Variants in CIMAP1C observed in about 807,000 individuals in gnomAD.
CIMAP1C encodes the protein outer dense fiber of sperm tails 3 like 1.
At chr15:75,725,170 A>G in the CIMAP1C span, 2 of 1,613,856 alleles carry the variant, frequency 1.2e-6, no homozygotes, top group South Asian at 1.1e-5. Context: ...TGACATCTCC[A>G]TGTTCAAGGC....
At chr15:75,727,385 C>G in the CIMAP1C span, 3 of 1,614,070 alleles carry the variant, frequency 1.9e-6, no homozygotes, top group Non-Finnish European at 2.5e-6. Context: ...CATGGCCAAG[C>G]GCTTCGCCTA....
the CIMAP1C span, chr15:75,724,068 A>G: frequency 1.9e-4 from 120 of 645,220 alleles, no homozygotes; most frequent in African/African-American, 2.0e-3. Context: ...CAAGCTGGAG[A>G]ACTGTCTTCC....
chr15:75,727,454 G>C, the CIMAP1C span: 1 of 1,613,946 alleles, frequency 6.2e-7, no homozygotes, highest in South Asian at 1.1e-5. Flanking sequence ...GCAGGTCACT[G>C]TGCACAAGCC....
the CIMAP1C span, chr15:75,726,255 G>T: frequency 1.2e-6 from 1 of 820,862 alleles, no homozygotes; most frequent in Non-Finnish European, 2.0e-6. Flanking sequence ...GGGGCAAAGG[G>T]TCAAGACTTC....
chr15:75,724,942 T>C, the CIMAP1C span, among the ~76,000 whole-genome samples: 3 of 152,222 alleles, frequency 2.0e-5, no homozygotes, highest in Non-Finnish European at 4.4e-5. Flanking sequence ...TATCTGGAAA[T>C]ACTGCCTTCC....
chr15:75,727,477 T>C, the CIMAP1C span: 2 of 1,612,766 alleles, frequency 1.2e-6, no homozygotes, highest in Non-Finnish European at 8.5e-7. Context: ...ACATCCCTGC[T>C]TTCACCATGG....
the CIMAP1C span, among the ~76,000 whole-genome samples, chr15:75,725,708 T>G: frequency 3.3e-5 from 5 of 152,144 alleles, no homozygotes; most frequent in South Asian, 2.1e-4. Context: ...GGCCTTTCCC[T>G]GGGGAGAATA....
chr15:75,724,326 C>T, the CIMAP1C span: 1 of 1,586,022 alleles, frequency 6.3e-7, no homozygotes, highest in East Asian at 2.2e-5. Context: ...AGGTGAGAGC[C>T]ATCCCCACCC....
the CIMAP1C span, chr15:75,727,488 G>A: frequency 5.0e-6 from 8 of 1,611,060 alleles, no homozygotes; most frequent in Admixed American, 1.7e-5. Context: ...TTCACCATGG[G>A]CATCAAGCAC....
At chr15:75,726,092 T>C in the CIMAP1C span, 37 of 1,613,964 alleles carry the variant, frequency 2.3e-5, no homozygotes, top group African/African-American at 4.0e-4. Flanking sequence ...GGCCTTGCTA[T>C]CTCTTGGATC....
At chr15:75,724,390 A>G in the CIMAP1C span, 3 of 1,029,508 alleles carry the variant, frequency 2.9e-6, no homozygotes, top group Non-Finnish European at 4.6e-6. Flanking sequence ...TGCCTCCTGC[A>G]AAGCCCCTTC....
the CIMAP1C span, chr15:75,724,167 G>A: frequency 2.0e-6 from 3 of 1,463,426 alleles, no homozygotes; most frequent in Non-Finnish European, 2.9e-6. Flanking sequence ...AGACCCTGCT[G>A]TAGCTGCTGC....
At chr15:75,726,949 A>G in the CIMAP1C span, 1 of 1,397,234 alleles carries the variant, frequency 7.2e-7, no homozygotes, top group South Asian at 1.4e-5. Context: ...CCTGCTGCTG[A>G]GGTGGTCAGC....
At chr15:75,726,515 G>A in the CIMAP1C span, among the ~76,000 whole-genome samples, 2 of 152,092 alleles carry the variant, frequency 1.3e-5, no homozygotes, top group Non-Finnish European at 2.9e-5. Context: ...AGCAACTGGG[G>A]GTAATCCAAG....
chr15:75,726,478 G>A, the CIMAP1C span, among the ~76,000 whole-genome samples: 1 of 152,274 alleles, frequency 6.6e-6, no homozygotes, highest in African/African-American at 2.4e-5. Flanking sequence ...CGCTGTCAGA[G>A]GGACAATGTC....
At chr15:75,726,207 G>GT in the CIMAP1C span, 1 of 1,212,376 alleles carries the variant, frequency 8.2e-7, no homozygotes, top group Non-Finnish European at 1.2e-6. Flanking sequence ...TGGGGGTTGG[G>GT]AGGTTGGGGG....
chr15:75,725,447 C>T, the CIMAP1C span, among the ~76,000 whole-genome samples: 1 of 152,246 alleles, frequency 6.6e-6, no homozygotes, highest in South Asian at 2.1e-4. Context: ...CCAGCTGGCA[C>T]AGCAGAGTCT....
At chr15:75,725,027 C>A in the CIMAP1C span, 1 of 878,598 alleles carries the variant, frequency 1.1e-6, no homozygotes, top group Non-Finnish European at 1.9e-6. Flanking sequence ...CCCCAATGTT[C>A]CCATGGTGCG....
the CIMAP1C span, chr15:75,725,304 C>T: frequency 1.9e-6 from 2 of 1,078,872 alleles, no homozygotes; most frequent in Non-Finnish European, 2.8e-6. Flanking sequence ...TTCTCTGTAG[C>T]CACTGGGAAT....
Sources: gnomAD v4.1 joint callset for allele counts (sites outside exome capture counted in the v4.1 genomes callset) on GRCh38, gnomAD v4.1.1 for gene constraint, MANE v1.5 for transcripts, NCBI Gene and HGNC (gene_info 2026-07-23, HGNC 2026-07-21) for gene names.